Variants in FHAD1 observed in about 807,000 individuals in gnomAD.
The protein encoded by FHAD1 is forkhead-associated domain-containing protein 1.
A neutral mutation model predicts 191.3 loss-of-function variants in FHAD1; 146 were observed. The observed-to-expected ratio is 0.76, with a 90% CI of 0.67 to 0.88. The LOEUF is 0.88. Among genes scored for constraint, FHAD1 ranks in the 40% least tolerant of loss-of-function variants. The pLI, the probability that FHAD1 is intolerant of heterozygous loss-of-function variation, is 0.00. For synonymous variants in FHAD1, 616 were observed against 672.3 expected (o/e 0.92, Z 1.29); for missense variants, 1,635 against 1,785.8 (o/e 0.92, Z 1.52).
At chr1:15,374,863 TG>T (rs67352829) in intron 27 of FHAD1, among the ~76,000 whole-genome samples, 33,667 of 136,020 alleles carry the variant, frequency 0.25, 4,210 homozygotes, top group Middle Eastern at 0.35. Flanking sequence ...TTTTTTTGTT[TG>T]TTTTTTTTTT....
Position 15,329,277 on chromosome 1 carries a change from T to G in FHAD1, c.1711-69T>G, listed in dbSNP as rs1680259384. 7.5e-7 allele frequency: 1 copy of G among 1,328,646 alleles called. No homozygotes were observed. 82.3% of individuals were successfully genotyped at this position (1,328,646 alleles called of 1,614,324 possible). A position where few individuals can be genotyped will look rare whatever the true frequency, so the allele number is the denominator to read the frequency against. ...GTGGCAGAGTCAAGAACGCTGTTCCTCGAAGGTCACGTCAGGGGCTATTTC... is the reference window on the plus strand; with the variant it reads ...GTGGCAGAGTCAAGAACGCTGTTCCGCGAAGGTCACGTCAGGGGCTATTTC... On this transcript the variant is annotated intron_variant, in intron 13 of 33. Transcript: ENST00000688493. The surrounding 1 kb of genome is among the most constrained non-coding windows in gnomAD (Gnocchi z 5.0).
At chr1:15,342,375 C>G (rs1687075972) in intron 16 of FHAD1, among the ~76,000 whole-genome samples, 1 of 152,218 alleles carries the variant, frequency 6.6e-6, no homozygotes, top group Admixed American at 6.5e-5. Flanking sequence ...CATGAATTGT[C>G]TGGGGATCTG....
At chr1:15,343,211 T>C (rs1163589803) in intron 16 of FHAD1, among the ~76,000 whole-genome samples, 2 of 152,198 alleles carry the variant, frequency 1.3e-5, no homozygotes, top group African/African-American at 4.8e-5. Flanking sequence ...CCGCCGACTC[T>C]CCACATTCTG....
chr1:15,301,463 C>T (rs777348957), intron 6 of FHAD1, 22 bp downstream of exon 6: 1 of 1,544,380 alleles, frequency 6.5e-7, no homozygotes, highest in South Asian at 1.2e-5. Context: ...CTGAGAGGTA[C>T]AGCACAGCTC....
intron 2 of FHAD1, among the ~76,000 whole-genome samples, chr1:15,252,992 T>C (rs1390803976): frequency 1.3e-5 from 2 of 152,162 alleles, no homozygotes; most frequent in Non-Finnish European, 1.5e-5. Flanking sequence ...CCTCACTCAA[T>C]AGACTTTTTT....
chr1:15,241,651 AAAAC>A (rs1325130495), intron 1 of FHAD1, among the ~76,000 whole-genome samples: 1 of 132,352 alleles, frequency 7.6e-6, no homozygotes, highest in African/African-American at 3.0e-5. Flanking sequence ...TGTCTCAAAA[AAAAC>A]AAACAACAAA....
chr1:15,328,269 CT>C lies in FHAD1; in HGVS notation c.1558-7del. On this transcript the variant is annotated splice_region_variant and splice_polypyrimidine_tract_variant and intron_variant, in intron 12 of 33. Coordinates refer to ENST00000688493, the MANE Select transcript of FHAD1 (RefSeq NM_001391957.1). ...TTTTTTTTTTTTCCTTTTTCTTTTT[CT>C]CACCAGTTAATAGAGAAAATTACCC... 1 of 1,025,626 alleles carries C rather than the reference CT, an allele frequency of 9.8e-7. No individual in the cohort carries two copies. The highest frequency in any genetic ancestry group is 4.8e-5 in the East Asian group (1 of 20,630). The allele number at this position is 1,025,626 out of a possible 1,614,324, so 63.5% of individuals were successfully genotyped here.
intron 33 of FHAD1, among the ~76,000 whole-genome samples, chr1:15,395,122 G>C (rs1385488596): frequency 6.6e-6 from 1 of 152,030 alleles, no homozygotes; most frequent in African/African-American, 2.4e-5. Context: ...GACCATCCTG[G>C]CTAACATGGT....
At chr1:15,291,336 C>T (rs1664705754) in intron 4 of FHAD1, among the ~76,000 whole-genome samples, 1 of 152,138 alleles carries the variant, frequency 6.6e-6, no homozygotes, top group African/African-American at 2.4e-5. Flanking sequence ...CCCACCTTGG[C>T]CTCCAAAGTG....
At chr1:15,273,233 C>T (rs971742447) in intron 3 of FHAD1, among the ~76,000 whole-genome samples, 2 of 152,026 alleles carry the variant, frequency 1.3e-5, no homozygotes, top group African/African-American at 2.4e-5. Flanking sequence ...TTTGTAGTGG[C>T]ATAACATTTG....
chr1:15,312,940 G>T lies in FHAD1; in HGVS notation c.1040-117G>T. 3 of 1,299,104 alleles carry T rather than the reference G, an allele frequency of 2.3e-6. No homozygotes were observed. Among genetic ancestry groups the T allele is most frequent in the Non-Finnish European group, 3.2e-6 (3 of 944,922 alleles). 80.5% of individuals were successfully genotyped at this position (1,299,104 alleles called of 1,614,324 possible). On this transcript the variant is annotated intron_variant, in intron 7 of 33. Transcript: ENST00000688493. This position sits in a 1 kb window ranked among gnomAD's most constrained non-coding sequence, Gnocchi z 4.7. ...GTCTCAACCCCATTCAAGCTCCTGG[G>T]ATCCTTGGAGACACCTCCCTTCTCA... is the stretch of plus-strand genomic sequence containing the variant.
At chr1:15,263,041 C>G (rs1033062283) in intron 2 of FHAD1, among the ~76,000 whole-genome samples, 1 of 152,184 alleles carries the variant, frequency 6.6e-6, no homozygotes, top group Non-Finnish European at 1.5e-5. Flanking sequence ...ATTTGAATTT[C>G]TTAATGATTT....
intron 15 of FHAD1, 43 bp downstream of exon 15, chr1:15,339,594 C>G (rs776333128): frequency 9.4e-7 from 1 of 1,068,774 alleles, no homozygotes; most frequent in South Asian, 1.4e-5. Flanking sequence ...CATTTCGGCC[C>G]CTGGTTGGCA....
rs1202176325 is a variant in FHAD1, at chr1:15,388,046, C to T, written c.4189-5C>T. 7.8e-7 allele frequency: 1 copy of T among 1,287,898 alleles called. No homozygotes were observed. Among genetic ancestry groups the T allele is most frequent in the Non-Finnish European group, 1.0e-6 (1 of 987,168 alleles). 79.8% of individuals were successfully genotyped at this position (1,287,898 alleles called of 1,614,324 possible). A position where few individuals can be genotyped will look rare whatever the true frequency, so the allele number is the denominator to read the frequency against. ...TCTCTTGCTAACCTGATACTTTTCA[C>T]TCAGGAAAGTGTAGAGGAGCACGAA... On this transcript the variant is annotated splice_polypyrimidine_tract_variant and splice_region_variant and intron_variant, in intron 31 of 33. Coordinates refer to ENST00000688493, the MANE Select transcript of FHAD1 (RefSeq NM_001391957.1).
At chr1:15,288,121 A>C (rs559754491) in intron 3 of FHAD1, among the ~76,000 whole-genome samples, 6 of 152,328 alleles carry the variant, frequency 3.9e-5, no homozygotes, top group Admixed American at 1.3e-4. Flanking sequence ...TCTTGATCCC[A>C]GTTCCCTGTC....
intron 19 of FHAD1, among the ~76,000 whole-genome samples, chr1:15,352,070 T>C (rs534868567): frequency 2.0e-5 from 3 of 152,316 alleles, no homozygotes; most frequent in East Asian, 1.9e-4. Context: ...TTAGAAGATA[T>C]AGACCTGTGA....
intron 25 of FHAD1, 30 bp downstream of exon 25, chr1:15,367,652 A>C: frequency 6.7e-7 from 1 of 1,498,154 alleles, no homozygotes; most frequent in Non-Finnish European, 9.0e-7. Flanking sequence ...GGTTGGGGGG[A>C]TGGTTTGCCT....
chr1:15,374,252 C>G (rs146695421), intron 26 of FHAD1, among the ~76,000 whole-genome samples: 2 of 152,078 alleles, frequency 1.3e-5, no homozygotes, highest in African/African-American at 4.8e-5. Context: ...AAAAATAAAA[C>G]GTGGAGAGGG....
chr1:15,321,178 C>G (rs896583135), intron 10 of FHAD1, among the ~76,000 whole-genome samples: 1 of 152,204 alleles, frequency 6.6e-6, no homozygotes, highest in African/African-American at 2.4e-5. Context: ...GTGATCTGCC[C>G]ACCTTGGCCT....
Sources: allele counts gnomAD v4.1 joint callset (sites outside exome capture counted in the v4.1 genomes callset), GRCh38; gene constraint gnomAD v4.1.1; non-coding constraint Gnocchi (gnomAD v3.1); transcripts MANE v1.5; gene names NCBI Gene and HGNC (gene_info 2026-07-23, HGNC 2026-07-21).